Variants in SGCG observed in about 807,000 individuals in gnomAD.
SGCG encodes sarcoglycan gamma, also known as gamma-sarcoglycan.
SGCG carries 26 observed loss-of-function variants against 29.3 expected under a neutral mutation model. The ratio of observed to expected loss-of-function variants is 0.89; its 90% CI spans 0.65 to 1.23. The LOEUF (loss-of-function observed/expected upper bound fraction) is 1.23, where lower values mean the gene tolerates loss of function less well. SGCG is among the 50% of genes most tolerant of loss of function. The pLI is 0.00. For synonymous variants in SGCG, 145 were observed against 129.7 expected (o/e 1.12, Z -0.80); for missense variants, 353 against 356.0 (o/e 0.99, Z 0.07).
chr13:23,185,605 A>C lies in SGCG; in HGVS notation c.-1+4530A>C, dbSNP rs182479809. Among the ~76,000 whole-genome samples the C allele has an allele frequency of 9.2e-5, 14 of 152,342 alleles. No individual in the cohort carries two copies. The East Asian group carries it at 2.7e-3, about 29-fold the overall frequency. On this transcript the variant is annotated intron_variant, in intron 1 of 7. Transcript: ENST00000218867. ...ATGTATTGGAACCCATCTTGAAAAA[A>C]AGAAAAAAAATCCCTGTAGGACAGC...
chr13:23,237,080 T>C (rs1446513383), intron 3 of SGCG, among the ~76,000 whole-genome samples: 1 of 152,180 alleles, frequency 6.6e-6, no homozygotes. Flanking sequence ...ATAACTCACT[T>C]ATGTGTACTG....
chr13:23,299,425 TATATATATATATATATATATATATATA>T (rs1882038946), intron 6 of SGCG, among the ~76,000 whole-genome samples: 3 of 6,118 alleles, frequency 4.9e-4, no homozygotes, highest in Non-Finnish European at 1.5e-3. Flanking sequence ...TATATATATA[TATATATATATATATATATATATATATA>T]TATATTTTTT....
chr13:23,170,971 G>GA, the SGCG span, among the ~76,000 whole-genome samples: 7 of 152,182 alleles, frequency 4.6e-5, no homozygotes, highest in African/African-American at 1.7e-4. Context: ...AAACTATAAA[G>GA]AAAATAGTAT....
At chr13:23,273,793 T>G (rs1880957920) in intron 4 of SGCG, among the ~76,000 whole-genome samples, 1 of 152,212 alleles carries the variant, frequency 6.6e-6, no homozygotes, top group Admixed American at 6.5e-5. Context: ...TGTGCCCTGA[T>G]GTGTGATCAG....
upstream of SGCG, among the ~76,000 whole-genome samples, chr13:23,176,800 C>T (rs1405881166): frequency 6.6e-6 from 1 of 152,064 alleles, no homozygotes; most frequent in African/African-American, 2.4e-5. Context: ...TTTGTAGATT[C>T]TTTGTTTCTT....
At chr13:23,240,561 T>C (rs563524719) in intron 3 of SGCG, among the ~76,000 whole-genome samples, 2 of 152,336 alleles carry the variant, frequency 1.3e-5, no homozygotes, top group South Asian at 2.1e-4. Context: ...ATAGATCATA[T>C]TTTGAACCAT....
intron 3 of SGCG, among the ~76,000 whole-genome samples, chr13:23,235,411 A>G (rs1443851648): frequency 6.6e-6 from 1 of 152,144 alleles, no homozygotes; most frequent in African/African-American, 2.4e-5. Context: ...GTTTCATTGT[A>G]TTATGTTCTG....
chr13:23,201,640 G>T lies in SGCG; in HGVS notation c.1-2055G>T, dbSNP rs370588514. On this transcript the variant is annotated intron_variant, in intron 1 of 7. Transcript: ENST00000218867. ...ACGCTTTCATTAAGACCTATTTTTT[G>T]ACCTCCACAACTATAAGATAAAATT... Among the ~76,000 whole-genome samples the T allele has an allele frequency of 3.3e-3, 504 of 152,210 alleles. 2 individuals are homozygous for T. Among genetic ancestry groups the T allele is most frequent in the African/African-American group, 0.011 (475 of 41,518 alleles).
At chr13:23,316,238 T>C (rs937788923) in intron 6 of SGCG, among the ~76,000 whole-genome samples, 1 of 152,204 alleles carries the variant, frequency 6.6e-6, no homozygotes, top group African/African-American at 2.4e-5. Context: ...GGCAGAGGTT[T>C]GTCCTCACTG....
At chr13:23,246,597 T>C (rs1290279707) in intron 3 of SGCG, 1 of 188,552 alleles carries the variant, frequency 5.3e-6, no homozygotes, top group Non-Finnish European at 1.2e-5. Flanking sequence ...TGCCCTCATT[T>C]TGCCCATTAT....
intron 3 of SGCG, among the ~76,000 whole-genome samples, chr13:23,249,462 A>C (rs984660578): frequency 1.3e-5 from 2 of 152,328 alleles, no homozygotes; most frequent in South Asian, 4.1e-4. Context: ...CTTGGGAGAC[A>C]GAGGAATTTG....
Position 23,274,147 on chromosome 13 carries a change from TTGTC to T in SGCG, c.386-5209_386-5206del, listed in dbSNP as rs560560561. On this transcript the variant is annotated intron_variant, in intron 4 of 7. Coordinates refer to ENST00000218867, the MANE Select transcript of SGCG (RefSeq NM_000231.3). The stretch of plus-strand genomic sequence containing the variant: ...TAACGCTTTTGACTTGAATTCCACT[TTGTC>T]TGATATCAGGATTTTTATCCCAGCT... Among the ~76,000 whole-genome samples the T allele has an allele frequency of 3.4e-4, 52 of 152,316 alleles. 1 individual carries two copies. The South Asian group carries it at 0.011, about 31-fold the overall frequency.
intron 4 of SGCG, among the ~76,000 whole-genome samples, chr13:23,253,591 T>G (rs567604042): frequency 6.6e-6 from 1 of 152,354 alleles, no homozygotes; most frequent in South Asian, 2.1e-4. Context: ...AATAAGTGTT[T>G]TCTACAAAAC....
At chr13:23,265,571 C>T (rs1380080750) in intron 4 of SGCG, among the ~76,000 whole-genome samples, 1 of 151,514 alleles carries the variant, frequency 6.6e-6, no homozygotes, top group Non-Finnish European at 1.5e-5. Context: ...AGTGAGACTC[C>T]GTCTCAAAAA....
intron 4 of SGCG, among the ~76,000 whole-genome samples, chr13:23,251,767 A>G (rs570805614): frequency 6.6e-6 from 1 of 152,312 alleles, no homozygotes; most frequent in African/African-American, 2.4e-5. Context: ...ACGAAGATAT[A>G]TATATTCACT....
At chr13:23,224,559 A>G (rs1231708590) in intron 2 of SGCG, among the ~76,000 whole-genome samples, 1 of 152,074 alleles carries the variant, frequency 6.6e-6, no homozygotes, top group Non-Finnish European at 1.5e-5. Flanking sequence ...ATTAGATCTC[A>G]TTTATCTTTA....
At chr13:23,309,933 T>G (rs946458606) in intron 6 of SGCG, among the ~76,000 whole-genome samples, 1 of 152,174 alleles carries the variant, frequency 6.6e-6, no homozygotes, top group African/African-American at 2.4e-5. Context: ...ATATAATTAT[T>G]CATAATTATT....
chr13:23,232,498 G>T (rs1593186977), intron 2 of SGCG, among the ~76,000 whole-genome samples: 1 of 152,290 alleles, frequency 6.6e-6, no homozygotes, highest in East Asian at 1.9e-4. Flanking sequence ...AGAGCGGGAA[G>T]ATCAAAGCTC....
chr13:23,267,590 T>A (rs756736372), intron 4 of SGCG: 5 of 152,308 alleles, frequency 3.3e-5, no homozygotes, highest in Admixed American at 1.3e-4. Context: ...CTCAGAAGGC[T>A]TGTACACTCA....
Sources: gnomAD v4.1 joint callset for allele counts (sites outside exome capture counted in the v4.1 genomes callset) on GRCh38, gnomAD v4.1.1 for gene constraint, MANE v1.5 for transcripts, NCBI Gene and HGNC (gene_info 2026-07-23, HGNC 2026-07-21) for gene names.